Variants in CLNK observed in about 807,000 individuals in gnomAD.
CLNK encodes cytokine dependent hematopoietic cell linker, also known as cytokine-dependent hematopoietic cell linker.
In CLNK, 74 loss-of-function variants were observed where a neutral mutation model predicts 68.6. That is an observed-to-expected ratio of 1.08 (90% CI 0.89 to 1.31). The LOEUF (loss-of-function observed/expected upper bound fraction) is 1.31. CLNK is among the 50% of genes most tolerant of loss of function. The pLI, the probability that CLNK is intolerant of heterozygous loss-of-function variation, is 0.00. For synonymous variants in CLNK, 198 were observed against 172.2 expected, an observed-to-expected ratio of 1.15 and a Z score of -1.17; for missense variants, 553 against 515.3, an observed-to-expected ratio of 1.07 and a Z score of -0.71.
chr4:10,585,253 A>G (rs1226316820), intron 3 of CLNK, among the ~76,000 whole-genome samples: 1 of 152,268 alleles, frequency 6.6e-6, no homozygotes, highest in Non-Finnish European at 1.5e-5. Flanking sequence ...GTATGCATAC[A>G]TTTAAACACA....
At chr4:10,642,544 C>T (rs554860170) in intron 2 of CLNK, among the ~76,000 whole-genome samples, 1 of 152,104 alleles carries the variant, frequency 6.6e-6, no homozygotes, top group East Asian at 1.9e-4. Flanking sequence ...AGAGAGAAGA[C>T]AGAATGAGCA....
intron 15 of CLNK, among the ~76,000 whole-genome samples, chr4:10,517,967 T>C (rs1177430215): frequency 6.6e-6 from 1 of 151,904 alleles, no homozygotes; most frequent in African/African-American, 2.4e-5. Context: ...AGTATTTAGT[T>C]GATTTTGTTT....
chr4:10,510,621 A>C (rs1253141557), intron 16 of CLNK, among the ~76,000 whole-genome samples: 1 of 152,156 alleles, frequency 6.6e-6, no homozygotes, highest in Non-Finnish European at 1.5e-5. Flanking sequence ...CGGCACTAAC[A>C]TCTATCCAGA....
chr4:10,525,876 G>A lies in CLNK; in HGVS notation c.696C>T (p.Asn232=), dbSNP rs756582677. Residue 232 remains asparagine, a synonymous_variant, in exon 14 of 19, where the codon AAC becomes AAT. Transcript: ENST00000226951. ...RKPESTHLLE[N]QNTQEIPLAI... Reference sequence around the variant, plus strand: ...CAAGTGGAATCTCTTGAGTATTTTGGTTTTCTAACAGATGAGTTGATTCAG... The same window carrying A: ...CAAGTGGAATCTCTTGAGTATTTTGATTTTCTAACAGATGAGTTGATTCAG... 15 of 1,583,948 alleles carry A rather than the reference G, an allele frequency of 9.5e-6. No homozygotes were observed. Among genetic ancestry groups the A allele is most frequent in the South Asian group, 8.1e-5 (7 of 86,434 alleles).
At chr4:10,549,314 CT>C (rs1206670405) in intron 8 of CLNK, among the ~76,000 whole-genome samples, 1 of 152,178 alleles carries the variant, frequency 6.6e-6, no homozygotes. Flanking sequence ...AGTAACTTGT[CT>C]ACCATTATAC....
At chr4:10,644,513 G>A (rs542338447) in intron 2 of CLNK, among the ~76,000 whole-genome samples, 1 of 152,190 alleles carries the variant, frequency 6.6e-6, no homozygotes, top group African/African-American at 2.4e-5. Flanking sequence ...CTAGTAGAAG[G>A]CAGAGCCTAG....
At chr4:10,565,019 A>G (rs544147236) in intron 6 of CLNK, among the ~76,000 whole-genome samples, 1 of 152,336 alleles carries the variant, frequency 6.6e-6, no homozygotes, top group African/African-American at 2.4e-5. Flanking sequence ...CATTCACCTT[A>G]GAAATTCTAT....
the CLNK span, among the ~76,000 whole-genome samples, chr4:10,720,882 C>A: frequency 6.6e-6 from 1 of 151,612 alleles, no homozygotes; most frequent in Non-Finnish European, 1.5e-5. Flanking sequence ...AATTGGTACA[C>A]AAATTAATTA....
chr4:10,715,309 T>C, the CLNK span, among the ~76,000 whole-genome samples: 2 of 152,194 alleles, frequency 1.3e-5, no homozygotes, highest in East Asian at 1.9e-4. Context: ...ATGGGGTTTA[T>C]TGTCCGTGTG....
At chr4:10,702,539 G>T in the CLNK span, among the ~76,000 whole-genome samples, 62 of 152,188 alleles carry the variant, frequency 4.1e-4, no homozygotes, top group Non-Finnish European at 5.7e-4. Flanking sequence ...CAGCAAATCT[G>T]GGTAGAAGCA....
At chr4:10,656,026 C>A (rs911181162) in intron 2 of CLNK, among the ~76,000 whole-genome samples, 1 of 152,032 alleles carries the variant, frequency 6.6e-6, no homozygotes, top group South Asian at 2.1e-4. Flanking sequence ...AAAAGATCCC[C>A]AAACTCCTCC....
At chr4:10,694,054 A>G in the CLNK span, among the ~76,000 whole-genome samples, 1 of 152,088 alleles carries the variant, frequency 6.6e-6, no homozygotes, top group Non-Finnish European at 1.5e-5. Flanking sequence ...CAGCTTCTTC[A>G]GCGTTTGCTA....
chr4:10,612,158 T>C (rs1722057227), intron 2 of CLNK, among the ~76,000 whole-genome samples: 2 of 152,254 alleles, frequency 1.3e-5, no homozygotes, highest in Admixed American at 1.3e-4. Flanking sequence ...TGAAGAAACC[T>C]ACCCACATCT....
intron 14 of CLNK, among the ~76,000 whole-genome samples, chr4:10,524,624 G>T (rs1303131525): frequency 1.3e-5 from 2 of 152,202 alleles, no homozygotes; most frequent in Admixed American, 6.5e-5. Flanking sequence ...GGGCAACACT[G>T]GCTACTGAAC....
chr4:10,607,689 G>A (rs1197046317), intron 2 of CLNK, among the ~76,000 whole-genome samples: 1 of 152,174 alleles, frequency 6.6e-6, no homozygotes, highest in East Asian at 1.9e-4. Context: ...TGCTCAGAGG[G>A]TCCTATACAT....
At chr4:10,574,617 C>T (rs1242319428) in intron 4 of CLNK, among the ~76,000 whole-genome samples, 2 of 152,142 alleles carry the variant, frequency 1.3e-5, no homozygotes, top group Non-Finnish European at 2.9e-5. Context: ...ACCCTCACGC[C>T]ACTCCCTTTA....
chr4:10,644,048 T>C (rs1404721949), intron 2 of CLNK, among the ~76,000 whole-genome samples: 3 of 152,158 alleles, frequency 2.0e-5, no homozygotes, highest in African/African-American at 7.2e-5. Context: ...GAAGGATACC[T>C]AGTGAAGGGA....
chr4:10,670,246 G>A (rs1724575501), intron 1 of CLNK, among the ~76,000 whole-genome samples: 1 of 152,160 alleles, frequency 6.6e-6, no homozygotes, highest in Non-Finnish European at 1.5e-5. Context: ...TGGGTATGTG[G>A]GGTTATTGAT....
At chr4:10,652,054 T>C (rs1160340881) in intron 2 of CLNK, among the ~76,000 whole-genome samples, 2 of 151,978 alleles carry the variant, frequency 1.3e-5, no homozygotes, top group African/African-American at 4.8e-5. Flanking sequence ...TCAGTAATTT[T>C]AGTAACTGTA....
Sources: allele counts gnomAD v4.1 joint callset (sites outside exome capture counted in the v4.1 genomes callset), GRCh38; gene constraint gnomAD v4.1.1; transcripts MANE v1.5; gene names NCBI Gene and HGNC (gene_info 2026-07-23, HGNC 2026-07-21).